The following MED13L variants were observed in gnomAD, a reference collection of about 807,000 sequenced individuals.
The protein encoded by MED13L is mediator of RNA polymerase II transcription subunit 13-like.
Under a neutral mutation model 220.9 loss-of-function variants are expected in MED13L, and 7 were observed. That is an observed-to-expected ratio of 0.03 (90% CI 0.02 to 0.06). The LOEUF is 0.06. MED13L is among the 10% of genes least tolerant of loss of function. The probability of loss-of-function intolerance (pLI) is 1.00; values close to 1 mark genes in which losing one functional copy is unlikely to be tolerated. For missense variants in MED13L, 1,965 were observed against 2,760.5 expected, an observed-to-expected ratio of 0.71 and a Z score of 6.46; for synonymous variants, 1,011 against 1,015.2, an observed-to-expected ratio of 1.00 and a Z score of 0.08.
intron 4 of MED13L, among the ~76,000 whole-genome samples, chr12:116,042,343 A>G (rs1269840952): frequency 2.6e-5 from 4 of 152,244 alleles, no homozygotes; most frequent in African/African-American, 9.6e-5. Flanking sequence ...GATGAGGGGC[A>G]GGATGCCTTT....
At chr12:116,254,743 GA>G (rs973257962) in intron 1 of MED13L, among the ~76,000 whole-genome samples, 10 of 151,326 alleles carry the variant, frequency 6.6e-5, no homozygotes, top group African/African-American at 2.2e-4. Flanking sequence ...GTGACAGAGT[GA>G]GACTCTGTGT....
chr12:115,969,573 TTC>T (rs199898900), intron 27 of MED13L, among the ~76,000 whole-genome samples: 1 of 150,676 alleles, frequency 6.6e-6, no homozygotes, highest in African/African-American at 2.4e-5. Context: ...GCACAATGTT[TTC>T]TCTCTTTTTT....
At position 115,963,499 on chromosome 12, in the gene MED13L, A is replaced by G. The variant is rs1875914411; in HGVS notation, c.6408T>C (p.Ile2136=). The G allele has an allele frequency of 6.2e-7, 1 of 1,613,878 alleles. No individual in the cohort carries two copies. Among genetic ancestry groups the G allele is most frequent in the Non-Finnish European group, 8.5e-7 (1 of 1,179,918 alleles). Residue 2136 remains isoleucine, a synonymous_variant, in exon 30 of 31, where the codon ATT becomes ATC. Transcript: ENST00000281928. ...GAAGTTCGTCTGTCTGTGCTACTGA[A>G]ATGTGGTGATGCAGCGAAGCCTGGT... ...LFLKASLHHH[I]SVAQTDELLP...
intron 2 of MED13L, among the ~76,000 whole-genome samples, chr12:116,204,397 T>C (rs549362622): frequency 9.8e-5 from 15 of 152,336 alleles, no homozygotes; most frequent in Admixed American, 5.2e-4. Context: ...CAGGAAGAAC[T>C]TGTAAGAACT....
At chr12:116,263,054 T>C (rs1872614985) in intron 1 of MED13L, among the ~76,000 whole-genome samples, 1 of 152,182 alleles carries the variant, frequency 6.6e-6, no homozygotes, top group Non-Finnish European at 1.5e-5. Flanking sequence ...GAGGCAAATA[T>C]TTGTGCTCTT....
At position 116,249,902 on chromosome 12, in the gene MED13L, CAG is replaced by C. The variant is rs1303553453; in HGVS notation, c.73-12199_73-12198del. Among the ~76,000 whole-genome samples, 3 of 150,914 alleles carry C rather than the reference CAG, an allele frequency of 2.0e-5. No homozygotes were observed. The East Asian group carries it at 5.8e-4, about 29-fold the overall frequency. On this transcript the variant is annotated intron_variant, in intron 1 of 30. Transcript: ENST00000281928. ...TCTAACATACACGCCATTAACGTCT[CAG>C]AATGTAGGAGAGAAGGGGGACAAAA...
intron 1 of MED13L, among the ~76,000 whole-genome samples, chr12:116,257,255 C>T (rs765296614): frequency 6.6e-6 from 1 of 152,174 alleles, no homozygotes; most frequent in Non-Finnish European, 1.5e-5. Context: ...ATATTATTTA[C>T]GAGGCAGGCA....
At chr12:116,145,414 T>C (rs956773159) in intron 2 of MED13L, among the ~76,000 whole-genome samples, 2 of 152,160 alleles carry the variant, frequency 1.3e-5, no homozygotes, top group Non-Finnish European at 2.9e-5. Context: ...TACCTTCCAG[T>C]ACTAAAATTC....
chr12:116,167,826 T>C (rs2138168149), intron 2 of MED13L, among the ~76,000 whole-genome samples: 1 of 152,310 alleles, frequency 6.6e-6, no homozygotes, highest in East Asian at 1.9e-4. Context: ...TGCTAATAGC[T>C]ATAACATGGC....
chr12:116,207,388 G>A lies in MED13L; in HGVS notation c.310+30080C>T, dbSNP rs543489140. 4.6e-5 allele frequency among the ~76,000 whole-genome samples: 7 copies of A among 152,254 alleles called. No individual in the cohort carries two copies. The South Asian group carries it at 1.5e-3, about 32-fold the overall frequency. Reference sequence around the variant, plus strand: ...GAATTCAGTGCAATAACATGCTGTAGCCTACAAGCTACATAAAGCCCAGAT... The same window carrying A: ...GAATTCAGTGCAATAACATGCTGTAACCTACAAGCTACATAAAGCCCAGAT... On this transcript the variant is annotated intron_variant, in intron 2 of 30. Transcript: ENST00000281928.
intron 1 of MED13L, among the ~76,000 whole-genome samples, chr12:116,258,817 T>A (rs1872270863): frequency 6.7e-6 from 1 of 148,430 alleles, no homozygotes. Context: ...GATTAAACAC[T>A]TGAAAAATAA....
intron 2 of MED13L, among the ~76,000 whole-genome samples, chr12:116,230,925 G>T (rs1869496536): frequency 6.6e-6 from 1 of 152,080 alleles, no homozygotes; most frequent in African/African-American, 2.4e-5. Context: ...CTATGATTTT[G>T]GAAAATTCAA....
intron 2 of MED13L, among the ~76,000 whole-genome samples, chr12:116,131,755 G>T (rs1420047210): frequency 6.6e-6 from 1 of 152,212 alleles, no homozygotes; most frequent in Non-Finnish European, 1.5e-5. Flanking sequence ...AAGGAAGGCA[G>T]ATCGCTTCAG....
chr12:116,232,920 C>G lies in MED13L; in HGVS notation c.310+4548G>C, dbSNP rs1869708733. On this transcript the variant is annotated intron_variant, in intron 2 of 30. Coordinates refer to ENST00000281928, the MANE Select transcript of MED13L (RefSeq NM_015335.5). ...TGGCCAACATGGTGAAACCCCATCT[C>G]TACTAAAAATACAAAAATTGGCCAG... 2.0e-5 allele frequency among the ~76,000 whole-genome samples: 3 copies of G among 151,930 alleles called. 1 individual carries two copies. The highest frequency in any genetic ancestry group is 7.3e-5 in the African/African-American group (3 of 41,356).
chr12:115,983,111 A>ACATAC lies in MED13L; in HGVS notation c.4955+1_4955+5dup, dbSNP rs758881484. 6.2e-7 allele frequency: 1 copy of ACATAC among 1,613,888 alleles called. No homozygotes were observed. The highest frequency in any genetic ancestry group is 8.5e-7 in the Non-Finnish European group (1 of 1,179,924). On this transcript the variant is annotated splice_donor_region_variant and intron_variant, in intron 21 of 30. Transcript: ENST00000281928. ...AGCCACTCATCTCAATTAGTGAATA[A>ACATAC]CATACCTCTCTTGTCCATCCTGTGA...
At position 115,958,635 on chromosome 12, in the gene MED13L, C is replaced by T. The variant is rs1875565816; in HGVS notation, c.*2631G>A. The T allele has an allele frequency of 6.6e-6, 1 of 152,156 alleles. No homozygotes were observed. Among genetic ancestry groups the T allele is most frequent in the Non-Finnish European group, 1.5e-5 (1 of 68,010 alleles). 9.4% of individuals were successfully genotyped at this position (152,156 alleles called of 1,614,324 possible). ...TGTGTAAAAGTATATAGCTCTCATCCACAAGGTATATATGAATGACATTTA... is the reference window on the plus strand; with the variant it reads ...TGTGTAAAAGTATATAGCTCTCATCTACAAGGTATATATGAATGACATTTA... On this transcript the variant is annotated 3_prime_UTR_variant, in exon 31 of 31. Coordinates refer to ENST00000281928, the MANE Select transcript of MED13L (RefSeq NM_015335.5).
chr12:115,975,813 C>G, intron 23 of MED13L, 75 bp from the exon 24 acceptor site: 1 of 1,380,536 alleles, frequency 7.2e-7, no homozygotes, highest in South Asian at 1.2e-5. Context: ...CAGAACGACA[C>G]TGAGGGGACC....
At chr12:116,262,492 C>A (rs897922555) in intron 1 of MED13L, among the ~76,000 whole-genome samples, 10 of 152,298 alleles carry the variant, frequency 6.6e-5, no homozygotes, top group Non-Finnish European at 1.0e-4. Flanking sequence ...CAGCATATCA[C>A]ACCTACCATA....
intron 4 of MED13L, among the ~76,000 whole-genome samples, chr12:116,056,950 A>C (rs1034721786): frequency 1.3e-5 from 2 of 152,226 alleles, no homozygotes; most frequent in African/African-American, 4.8e-5. Context: ...AAAATACAGA[A>C]TATACTTCAG....
Sources: allele counts gnomAD v4.1 joint callset (sites outside exome capture counted in the v4.1 genomes callset), GRCh38; gene constraint gnomAD v4.1.1; transcripts MANE v1.5; gene names NCBI Gene and HGNC (gene_info 2026-07-23, HGNC 2026-07-21).